OGFOD3: variants seen among roughly 807,000 people sequenced by gnomAD.
OGFOD3 encodes the protein 2-oxoglutarate and iron-dependent oxygenase domain-containing protein 3.
In OGFOD3, 35 loss-of-function variants were observed where a neutral mutation model predicts 39.8. That is an observed-to-expected ratio of 0.88 (90% CI 0.67 to 1.17). The LOEUF (loss-of-function observed/expected upper bound fraction) is 1.17. OGFOD3 is among the 50% of genes most tolerant of loss of function. OGFOD3 has a pLI of 0.00. For missense variants in OGFOD3, 438 were observed against 454.5 expected (o/e 0.96, Z 0.33); for synonymous variants, 200 against 192.0 (o/e 1.04, Z -0.34).
In OGFOD3 at chr17:82,390,427, G is replaced by A. The variant is rs186805222; in HGVS notation, c.*1971C>T. The A allele has an allele frequency of 4.3e-3, 657 of 152,476 alleles. 4 individuals carry two copies. The highest frequency in any genetic ancestry group is 7.1e-3 in the Admixed American group (108 of 15,314). The allele number at this position is 152,476 out of a possible 1,614,324, so 9.4% of individuals were successfully genotyped here. A position where few individuals can be genotyped will look rare whatever the true frequency, so the allele number is the denominator to read the frequency against. Reference sequence around the variant, plus strand: ...GAGTGTCCGTGAAGCAGCCGGCCCCGCAAGGACGGCTTTGGCCACCAACCG... The same window carrying A: ...GAGTGTCCGTGAAGCAGCCGGCCCCACAAGGACGGCTTTGGCCACCAACCG... On this transcript the variant is annotated 3_prime_UTR_variant, in exon 9 of 9. Transcript: ENST00000313056. The surrounding 1 kb of genome is among the most constrained non-coding windows in gnomAD (Gnocchi z 4.9).
chr17:82,409,341 G>A (rs1392341376), intron 4 of OGFOD3, 27 bp downstream of exon 4: 17 of 1,611,486 alleles, frequency 1.1e-5, no homozygotes, highest in Non-Finnish European at 1.4e-5. Context: ...GGTAAAAAAA[G>A]GGGGGCAGGG....
intron 2 of OGFOD3, among the ~76,000 whole-genome samples, chr17:82,412,670 CACAAGGT>C (rs1291960214): frequency 1.3e-5 from 2 of 152,042 alleles, no homozygotes; most frequent in Non-Finnish European, 2.9e-5. Flanking sequence ...CGCACAGATG[CACAAGGT>C]ACAGCAGAGT....
At chr17:82,418,374 G>T in intron 1 of OGFOD3, 38 bp downstream of exon 1, 1 of 1,365,128 alleles carries the variant, frequency 7.3e-7, no homozygotes. Flanking sequence ...GGCCCTGTCC[G>T]CCGCCGCAGC....
intron 3 of OGFOD3, 63 bp downstream of exon 3, chr17:82,411,392 C>A: frequency 6.9e-7 from 1 of 1,453,518 alleles, no homozygotes; most frequent in South Asian, 1.1e-5. Flanking sequence ...CTCTGCTTCC[C>A]GCCCTAGCCC....
chr17:82,410,149 G>A (rs1193739161), intron 3 of OGFOD3, among the ~76,000 whole-genome samples: 2 of 152,216 alleles, frequency 1.3e-5, no homozygotes, highest in African/African-American at 4.8e-5. Flanking sequence ...GGACCACAGA[G>A]GACCACCCTG....
chr17:82,404,082 C>T lies in OGFOD3; in HGVS notation c.554G>A (p.Arg185Gln), dbSNP rs762940701. 3 of 1,596,236 alleles carry T rather than the reference C, an allele frequency of 1.9e-6. No individual in the cohort carries two copies. The highest frequency in any genetic ancestry group is 1.7e-5 in the Admixed American group (1 of 58,330). Residue 185 changes from arginine to glutamine, a missense_variant, in exon 7 of 9, where the codon CGG becomes CAG. Arg to Gln is a conservative substitution (Grantham distance 43). Transcript: ENST00000313056. The surrounding 1 kb of genome is among the most constrained non-coding windows in gnomAD (Gnocchi z 4.5). Reference sequence around the variant, plus strand: ...AGCAATGGTGAGCTGGACCTTCTGCCGCACCTCCCTGCAGAGGACACAATA... The same window carrying T: ...AGCAATGGTGAGCTGGACCTTCTGCTGCACCTCCCTGCAGAGGACACAATA... ...EEDFRLYREVRQKVQLTIAEA... is the reference protein window; with the variant it reads ...EEDFRLYREVQQKVQLTIAEA...
intron 2 of OGFOD3, among the ~76,000 whole-genome samples, chr17:82,411,978 GGAACCCTCCTGAGACCACCAGAGCAGA>G (rs1211885046): frequency 4.2e-5 from 6 of 142,334 alleles, no homozygotes; most frequent in Non-Finnish European, 9.1e-5. Flanking sequence ...ACCAGAGGGG[GGAACCCTCCTGAGACCACCAGAGCAGA>G]AAACCCTCCT....
intron 7 of OGFOD3, among the ~76,000 whole-genome samples, chr17:82,399,863 A>T (rs2052734722): frequency 6.6e-6 from 1 of 152,158 alleles, no homozygotes; most frequent in African/African-American, 2.4e-5. Context: ...CACCCAGCTC[A>T]GCTGTCATAA....
At chr17:82,409,231 G>T in intron 4 of OGFOD3, 137 bp downstream of exon 4, 2 of 811,492 alleles carry the variant, frequency 2.5e-6, no homozygotes, top group Non-Finnish European at 2.1e-6. Flanking sequence ...GGCTGGTGCT[G>T]AGAAACACCA....
chr17:82,397,514 G>T (rs997915977), intron 8 of OGFOD3, among the ~76,000 whole-genome samples: 5 of 152,016 alleles, frequency 3.3e-5, no homozygotes, highest in Non-Finnish European at 4.4e-5. Flanking sequence ...GCTGCATCTG[G>T]GGTCAGGGCC....
intron 2 of OGFOD3, among the ~76,000 whole-genome samples, chr17:82,412,634 C>A (rs2052969119): frequency 6.6e-6 from 1 of 151,328 alleles, no homozygotes; most frequent in South Asian, 2.1e-4. Flanking sequence ...GTGGTCAGGG[C>A]AGGGGCAGGG....
In OGFOD3 at chr17:82,392,170, C is replaced by T. The variant is rs1471734764; in HGVS notation, c.*228G>A. ...TGCTGGGTCCCTTTCCTGGCCTCCA[C>T]CTCAGGCTCCCAGGCCTACAGCCCA... is the stretch of plus-strand genomic sequence containing the variant. On this transcript the variant is annotated 3_prime_UTR_variant, in exon 9 of 9. Transcript: ENST00000313056. This position sits in a 1 kb window ranked among gnomAD's most constrained non-coding sequence, Gnocchi z 4.2. 5 of 591,950 alleles carry T rather than the reference C, an allele frequency of 8.4e-6. No homozygotes were observed. Among genetic ancestry groups the T allele is most frequent in the East Asian group, 3.0e-5 (1 of 33,634 alleles). The allele number at this position is 591,950 out of a possible 1,614,324, so 36.7% of individuals were successfully genotyped here. A position where few individuals can be genotyped will look rare whatever the true frequency, so the allele number is the denominator to read the frequency against.
In OGFOD3 at chr17:82,394,424, C is replaced by A. The variant is rs79314916; in HGVS notation, c.824-1890G>T. 3 of 1,613,210 alleles carry A rather than the reference C, an allele frequency of 1.9e-6. No individual in the cohort carries two copies. The Admixed American group carries it at 5.0e-5, about 27-fold the overall frequency. ...AGAATCGCATGTGTCTCTCCCCTCT[C>A]GGGCGGGTGGTGAGTCCCCGGAGGA... is the stretch of plus-strand genomic sequence containing the variant. On this transcript the variant is annotated intron_variant, in intron 8 of 8. Coordinates refer to ENST00000313056, the MANE Select transcript of OGFOD3 (RefSeq NM_024648.3).
chr17:82,405,005 G>A (rs1483815251), intron 6 of OGFOD3, among the ~76,000 whole-genome samples: 1 of 151,720 alleles, frequency 6.6e-6, no homozygotes, highest in Non-Finnish European at 1.5e-5. Flanking sequence ...CTCCCAAAGT[G>A]CTGGGATTAC....
chr17:82,405,566 G>A (rs554847901), intron 5 of OGFOD3, among the ~76,000 whole-genome samples, 186 bp from the exon 6 acceptor site: 53 of 152,364 alleles, frequency 3.5e-4, no homozygotes, highest in African/African-American at 1.1e-3. Context: ...TGTAATCCCA[G>A]CACTCTGGGA....
chr17:82,392,544 G>A lies in OGFOD3; in HGVS notation c.824-10C>T. ...AAGAAGGAGACGCGACCTGGGAGAGGAGAAGAGAGAGAGGTGGCCATAGAG... is the reference window on the plus strand; with the variant it reads ...AAGAAGGAGACGCGACCTGGGAGAGAAGAAGAGAGAGAGGTGGCCATAGAG... On this transcript the variant is annotated splice_polypyrimidine_tract_variant and intron_variant, in intron 8 of 8. Coordinates refer to ENST00000313056, the MANE Select transcript of OGFOD3 (RefSeq NM_024648.3). The surrounding 1 kb of genome is among the most constrained non-coding windows in gnomAD (Gnocchi z 4.2). 6.3e-7 allele frequency: 1 copy of A among 1,575,796 alleles called. No individual in the cohort carries two copies. Among genetic ancestry groups the A allele is most frequent in the Non-Finnish European group, 8.6e-7 (1 of 1,161,140 alleles).
intron 4 of OGFOD3, among the ~76,000 whole-genome samples, chr17:82,407,902 G>A (rs970484334): frequency 1.3e-5 from 2 of 152,186 alleles, no homozygotes; most frequent in African/African-American, 4.8e-5. Context: ...CAGCACTTTG[G>A]GGGGTCAAGG....
At chr17:82,409,468 T>C (rs1367349355) in intron 3 of OGFOD3, 58 bp from the exon 4 acceptor site, 2 of 1,531,418 alleles carry the variant, frequency 1.3e-6, no homozygotes. Flanking sequence ...ATGTATAATC[T>C]AGGCAAACGT....
rs1298751574 is a variant in OGFOD3, at chr17:82,415,578, G to A, written c.124C>T (p.Pro42Ser). 6.2e-7 allele frequency: 1 copy of A among 1,613,250 alleles called. No individual in the cohort carries two copies. The highest frequency in any genetic ancestry group is 8.5e-7 in the Non-Finnish European group (1 of 1,179,904). The part of the protein sequence containing the change: ...PREVQRLWQR[P>S]WLRTAGLGAG... ...CCCAGGCCCGCGGTCCTTAGCCACG[G>A]CCTCTGCCACAGCCTCTGCACCTCC... Residue 42 changes from proline to serine, a missense_variant, in exon 2 of 9, where the codon CCG (proline) becomes TCG (serine). Transcript: ENST00000313056. This position sits in a 1 kb window ranked among gnomAD's most constrained non-coding sequence, Gnocchi z 5.3.
Sources: allele counts gnomAD v4.1 joint callset (sites outside exome capture counted in the v4.1 genomes callset), GRCh38; gene constraint gnomAD v4.1.1; non-coding constraint Gnocchi (gnomAD v3.1); transcripts MANE v1.5; gene names NCBI Gene and HGNC (gene_info 2026-07-23, HGNC 2026-07-21).